The following USH1C variants were observed in gnomAD, a reference collection of about 807,000 sequenced individuals.
The protein encoded by USH1C is harmonin.
Under a neutral mutation model 119.3 loss-of-function variants are expected in USH1C, and 90 were observed. That is an observed-to-expected ratio of 0.75 (90% CI 0.64 to 0.90). USH1C has a LOEUF of 0.90. USH1C is among the 40% of genes least tolerant of loss of function. The pLI is 0.00. For missense variants in USH1C, 1,165 were observed against 1,167.7 expected, an observed-to-expected ratio of 1.00 and a Z score of 0.03; for synonymous variants, 465 against 443.3, an observed-to-expected ratio of 1.05 and a Z score of -0.62.
At chr11:17,544,148 C>T in intron 1 of USH1C, 124 bp downstream of exon 1, 2 of 1,339,130 alleles carry the variant, frequency 1.5e-6, no homozygotes, top group Non-Finnish European at 2.1e-6. Flanking sequence ...TCGGGTGTCC[C>T]AGCCCAACCA....
Position 17,527,340 on chromosome 11 carries a change from C to CAG in USH1C, c.388-11_388-10dup, listed in dbSNP as rs750322163. On this transcript the variant is annotated splice_polypyrimidine_tract_variant and intron_variant, in intron 4 of 26. Transcript: ENST00000005226. ...ACGATCTCGTCCCCTACCTTGACCACAGAGAGAGGCAGGGAGCACCAGGTG... is the reference window on the plus strand; with the variant it reads ...ACGATCTCGTCCCCTACCTTGACCACAGAGAGAGAGGCAGGGAGCACCAGGTG... 18 of 1,600,980 alleles carry CAG rather than the reference C, an allele frequency of 1.1e-5. No individual in the cohort carries two copies. The Middle Eastern group carries it at 5.0e-4, about 44-fold the overall frequency.
At chr11:17,533,808 T>A (rs1358636860) in intron 1 of USH1C, 1 of 455,456 alleles carries the variant, frequency 2.2e-6, no homozygotes, top group South Asian at 1.6e-5. Context: ...AGAAGCCCCT[T>A]ACCACCGAAT....
intron 1 of USH1C, among the ~76,000 whole-genome samples, chr11:17,541,478 G>A (rs886128727): frequency 6.6e-6 from 1 of 152,182 alleles, no homozygotes; most frequent in East Asian, 1.9e-4. Flanking sequence ...CTGGCCTCAG[G>A]CAGAATACAC....
intron 4 of USH1C, among the ~76,000 whole-genome samples, chr11:17,528,463 G>A (rs1471897431): frequency 6.6e-6 from 1 of 152,254 alleles, no homozygotes; most frequent in Non-Finnish European, 1.5e-5. Context: ...AGGTCACACA[G>A]CCAGTAGCTG....
At chr11:17,541,750 C>G (rs1342190953) in intron 1 of USH1C, among the ~76,000 whole-genome samples, 3 of 152,346 alleles carry the variant, frequency 2.0e-5, no homozygotes, top group African/African-American at 7.2e-5. Flanking sequence ...GAGTCGATGC[C>G]TGGAGCCTGT....
Position 17,510,477 on chromosome 11 carries a change from A to G in USH1C, c.1458T>C (p.Ile486=), listed in dbSNP as rs147743437. 3.8e-5 allele frequency: 62 copies of G among 1,613,796 alleles called. No homozygotes were observed. The African/African-American group carries it at 7.3e-4, about 19-fold the overall frequency. The change falls in exon 17 of 27, where the codon ATT becomes ATC. Residue 486 remains isoleucine (I), a synonymous_variant. Coordinates refer to ENST00000005226, the MANE Select transcript of USH1C (RefSeq NM_153676.4). The part of the protein sequence containing the change: ...EREDLEESEK[I]QYWVERLCQT... ...GACAGAGCCTCTCCACCCAATATTGAATCTTTTCCGATTCTTCAAGGTCTT... is the reference window on the plus strand; with the variant it reads ...GACAGAGCCTCTCCACCCAATATTGGATCTTTTCCGATTCTTCAAGGTCTT...
rs962425019 is a variant in USH1C at position 17,510,416 on chromosome 11, C to T, written c.1519G>A (p.Glu507Lys). 3.7e-6 allele frequency: 6 copies of T among 1,611,772 alleles called. No homozygotes were observed. The highest frequency in any genetic ancestry group is 5.1e-6 in the Non-Finnish European group (6 of 1,179,374). ...RLEQISSADN[E>K]ISEMTTGPPP... Reference sequence around the variant, plus strand: ...AAGGGCTCTGTTACCTCTGAAATCTCATTATCAGCAGAGGAAATCTGCTCG... The same window carrying T: ...AAGGGCTCTGTTACCTCTGAAATCTTATTATCAGCAGAGGAAATCTGCTCG... Residue 507 changes from glutamate to lysine, a missense_variant, in exon 17 of 27, where the codon GAG becomes AAG. By Grantham distance (56) the Glu-to-Lys change is moderately conservative (BLOSUM62 1). Transcript: ENST00000005226.
At chr11:17,494,411 G>A (rs1224723426) in intron 26 of USH1C, 35 bp from the exon 27 acceptor site, 1 of 1,577,872 alleles carries the variant, frequency 6.3e-7, no homozygotes, top group South Asian at 1.2e-5. Context: ...GGTGGATACA[G>A]GCTTTGTGGG....
Position 17,516,305 on chromosome 11 carries a change from T to A in USH1C, c.1211-15A>T, listed in dbSNP as rs759671024. On this transcript the variant is annotated splice_polypyrimidine_tract_variant and intron_variant, in intron 14 of 26. Coordinates refer to ENST00000005226, the MANE Select transcript of USH1C (RefSeq NM_153676.4). ...CCATCCAAAAGCTATAAGACACAGA[T>A]AACAAAATGATGAGACACAGTTCAG... 1.9e-6 allele frequency: 3 copies of A among 1,611,428 alleles called. No individual in the cohort carries two copies. Among genetic ancestry groups the A allele is most frequent in the African/African-American group, 1.3e-5 (1 of 74,944 alleles).
chr11:17,532,300 T>C (rs1394591760), intron 2 of USH1C, among the ~76,000 whole-genome samples: 1 of 152,198 alleles, frequency 6.6e-6, no homozygotes, highest in Non-Finnish European at 1.5e-5. Flanking sequence ...TCTTTTTCTT[T>C]TATTATTATT....
At chr11:17,506,498 T>C (rs921269781) in intron 18 of USH1C, among the ~76,000 whole-genome samples, 1 of 152,218 alleles carries the variant, frequency 6.6e-6, no homozygotes, top group African/African-American at 2.4e-5. Context: ...TTCACAGCCC[T>C]GCCCCCAAAC....
intron 1 of USH1C, among the ~76,000 whole-genome samples, chr11:17,536,797 G>T (rs188999277): frequency 1.3e-5 from 2 of 152,206 alleles, no homozygotes; most frequent in Non-Finnish European, 2.9e-5. Flanking sequence ...TCCATCTACC[G>T]CCATGTCTGA....
chr11:17,527,392 C>G, intron 4 of USH1C, 61 bp from the exon 5 acceptor site: 1 of 1,305,746 alleles, frequency 7.7e-7, no homozygotes, highest in Non-Finnish European at 1.1e-6. Flanking sequence ...GTGGGGCAGA[C>G]TCACCACCAG....
chr11:17,531,378 GCCTGGTGGCTTCCT>G lies in USH1C; in HGVS notation c.248+7_248+20del, dbSNP rs749047869. 10 of 1,613,668 alleles carry G rather than the reference GCCTGGTGGCTTCCT, an allele frequency of 6.2e-6. No individual in the cohort carries two copies. Among genetic ancestry groups the G allele is most frequent in the Non-Finnish European group, 6.8e-6 (8 of 1,179,790 alleles). Reference sequence around the variant, plus strand: ...GTGATCTCTCCACCCCCTGCCTCCAGCCTGGTGGCTTCCTCTGCACCTGGAGCGCCGGGGGGTCA... The same window carrying G: ...GTGATCTCTCCACCCCCTGCCTCCAGCTGCACCTGGAGCGCCGGGGGGTCA... On this transcript the variant is annotated splice_region_variant and intron_variant, in intron 3 of 26. Transcript: ENST00000005226. The surrounding 1 kb of genome is among the most constrained non-coding windows in gnomAD (Gnocchi z 4.2).
intron 15 of USH1C, among the ~76,000 whole-genome samples, chr11:17,515,634 T>C (rs1850109781): frequency 6.6e-6 from 1 of 152,206 alleles, no homozygotes; most frequent in Non-Finnish European, 1.5e-5. Context: ...GTCAATGTGA[T>C]TTAGAAAGAT....
chr11:17,539,144 C>T (rs1352048974), intron 1 of USH1C, among the ~76,000 whole-genome samples: 1 of 152,178 alleles, frequency 6.6e-6, no homozygotes, highest in African/African-American at 2.4e-5. Context: ...CTTCAAATGT[C>T]GCCTCTTCTT....
intron 1 of USH1C, among the ~76,000 whole-genome samples, chr11:17,541,645 C>T (rs1440066423): frequency 6.6e-6 from 1 of 152,238 alleles, no homozygotes; most frequent in African/African-American, 2.4e-5. Flanking sequence ...TGACCAAGCC[C>T]TGCTCCCCCA....
intron 26 of USH1C, 74 bp downstream of exon 26, chr11:17,495,495 G>T: frequency 6.8e-7 from 1 of 1,478,516 alleles, no homozygotes; most frequent in Non-Finnish European, 9.4e-7. Context: ...AGAACCTGCT[G>T]ACAGCGTGGG....
Position 17,527,057 on chromosome 11 carries a change from C to T in USH1C, c.497-17G>A. 1 of 1,536,792 alleles carries T rather than the reference C, an allele frequency of 6.5e-7. No homozygotes were observed. The highest frequency in any genetic ancestry group is 2.5e-5 in the East Asian group (1 of 39,802). ...GGCCGATGTCTGCGGGAGAAAGGCA[C>T]AGGGGTTAGGACAGCTCCCCCGCCC... On this transcript the variant is annotated splice_polypyrimidine_tract_variant and intron_variant, in intron 5 of 26. Transcript: ENST00000005226.
Sources: allele counts gnomAD v4.1 joint callset (sites outside exome capture counted in the v4.1 genomes callset), GRCh38; gene constraint gnomAD v4.1.1; non-coding constraint Gnocchi (gnomAD v3.1); transcripts MANE v1.5; gene names NCBI Gene and HGNC (gene_info 2026-07-23, HGNC 2026-07-21).